Variants in EWSR1 observed in about 807,000 individuals in gnomAD.
EWSR1 encodes RNA-binding protein EWS.
EWSR1 carries 14 observed loss-of-function variants against 92.1 expected under a neutral mutation model. The ratio of observed to expected loss-of-function variants is 0.15; its 90% CI spans 0.10 to 0.24. The LOEUF (loss-of-function observed/expected upper bound fraction) is 0.24, where lower values mean the gene tolerates loss of function less well. Ranked by LOEUF, EWSR1 falls within the 10% of genes least tolerant of loss-of-function variation. EWSR1 has a pLI of 1.00. For synonymous variants in EWSR1, 303 were observed against 292.9 expected, an observed-to-expected ratio of 1.03 and a Z score of -0.35; for missense variants, 637 against 870.9, an observed-to-expected ratio of 0.73 and a Z score of 3.38.
intron 13 of EWSR1, among the ~76,000 whole-genome samples, chr22:29,298,231 T>C (rs2061021346): frequency 6.6e-6 from 1 of 152,102 alleles, no homozygotes; most frequent in Non-Finnish European, 1.5e-5. Flanking sequence ...TTCAGCCAGG[T>C]GCAGTGGCTC....
intron 9 of EWSR1, chr22:29,291,889 G>A: frequency 1.8e-6 from 1 of 567,574 alleles, no homozygotes; most frequent in Non-Finnish European, 3.1e-6. Context: ...CACTGATTTG[G>A]CACATAAGCA....
intron 4 of EWSR1, 121 bp downstream of exon 4, chr22:29,273,985 A>G (rs2058900340): frequency 1.5e-6 from 2 of 1,295,338 alleles, no homozygotes; most frequent in African/African-American, 1.5e-5. Flanking sequence ...GGAATCCTTT[A>G]TTCTTAGGAA....
intron 4 of EWSR1, 135 bp downstream of exon 4, chr22:29,273,999 G>T: frequency 2.5e-6 from 3 of 1,191,600 alleles, no homozygotes; most frequent in East Asian, 2.4e-5. Context: ...TTAGGAAGAG[G>T]TATTTTTTCT....
intron 4 of EWSR1, chr22:29,277,783 A>G (rs368674916): frequency 3.7e-5 from 17 of 461,402 alleles, no homozygotes; most frequent in Non-Finnish European, 5.5e-5. Flanking sequence ...CTGTAGCATG[A>G]CATGCCATTT....
At chr22:29,278,462 G>A (rs1387227018) in intron 5 of EWSR1, among the ~76,000 whole-genome samples, 1 of 151,738 alleles carries the variant, frequency 6.6e-6, no homozygotes, top group Admixed American at 6.6e-5. Context: ...CGAGGCGGGC[G>A]GATCATATAA....
chr22:29,280,705 C>T (rs1385864060), intron 5 of EWSR1, among the ~76,000 whole-genome samples: 1 of 144,868 alleles, frequency 6.9e-6, no homozygotes, highest in Non-Finnish European at 1.5e-5. Flanking sequence ...TGGAGTTTTG[C>T]TCTTGTTGTC....
chr22:29,268,555 T>A (rs1042968658), intron 1 of EWSR1, among the ~76,000 whole-genome samples: 5 of 152,052 alleles, frequency 3.3e-5, no homozygotes, highest in Non-Finnish European at 7.4e-5. Flanking sequence ...CCGGCGCCCG[T>A]GGCGCGCGGG....
chr22:29,275,927 G>GT (rs1325502080), intron 4 of EWSR1: 14 of 195,224 alleles, frequency 7.2e-5, no homozygotes, highest in East Asian at 3.9e-4. Context: ...TTGTTTTTTT[G>GT]TTTTTTTGTT....
intron 5 of EWSR1, among the ~76,000 whole-genome samples, chr22:29,280,892 T>G (rs887585796): frequency 2.3e-5 from 3 of 133,234 alleles, no homozygotes; most frequent in African/African-American, 8.3e-5. Flanking sequence ...TTTTTTTTTT[T>G]TTTTTTTGAC....
chr22:29,281,731 C>T (rs572257247), intron 5 of EWSR1, among the ~76,000 whole-genome samples: 1 of 152,242 alleles, frequency 6.6e-6, no homozygotes, highest in African/African-American at 2.4e-5. Context: ...CAGGCGCCCA[C>T]CACCATGCCT....
At chr22:29,268,628 G>T (rs1311417896) in intron 1 of EWSR1, among the ~76,000 whole-genome samples, 1 of 152,130 alleles carries the variant, frequency 6.6e-6, no homozygotes, top group Non-Finnish European at 1.5e-5. Context: ...CGGTCCTCGC[G>T]CCCTGAGCTC....
At chr22:29,289,664 T>A (rs561297523) in intron 8 of EWSR1, 280 of 232,632 alleles carry the variant, frequency 1.2e-3, no homozygotes, top group African/African-American at 5.6e-3. Context: ...GTTAGATATT[T>A]ACATTTGATA....
intron 8 of EWSR1, 65 bp from the exon 9 acceptor site, chr22:29,291,497 C>T: frequency 3.3e-6 from 5 of 1,532,816 alleles, no homozygotes; most frequent in Non-Finnish European, 3.6e-6. Context: ...ACGAGCCCCC[C>T]CAAGGCTCAG....
chr22:29,270,312 T>C (rs1174159530), intron 1 of EWSR1, among the ~76,000 whole-genome samples: 1 of 152,222 alleles, frequency 6.6e-6, no homozygotes. Flanking sequence ...CGCAGCAATC[T>C]AGAACCCCCA....
rs1369382016 is a variant in EWSR1 at position 29,273,860 on chromosome 22, C to G, written c.222C>G (p.Pro74=). 2 of 1,613,822 alleles carry G rather than the reference C, an allele frequency of 1.2e-6. No homozygotes were observed. Among genetic ancestry groups the G allele is most frequent in the Non-Finnish European group, 1.7e-6 (2 of 1,179,900 alleles). Residue 74 remains proline, a synonymous_variant, in exon 4 of 17, where the codon CCC becomes CCG. Coordinates refer to ENST00000397938, the MANE Select transcript of EWSR1 (RefSeq NM_005243.4). ...TAYATSYGQP[P]TGYTTPTAPQ... is the part of the protein sequence containing the mutation. ...ATGCAACTTCTTATGGACAGCCTCC[C>G]ACTGGTAAGGCCTGCCTTGGAGAGA...
intron 4 of EWSR1, chr22:29,275,986 T>C (rs966435362): frequency 4.3e-6 from 1 of 231,858 alleles, no homozygotes; most frequent in Admixed American, 5.6e-5. Context: ...TTGTTCATTT[T>C]GCTTGGCTGC....
chr22:29,283,260 A>G (rs947374021), intron 6 of EWSR1, among the ~76,000 whole-genome samples: 6 of 152,180 alleles, frequency 3.9e-5, no homozygotes, highest in African/African-American at 1.4e-4. Flanking sequence ...CACCTTAATC[A>G]TTTTACATTT....
At chr22:29,299,446 T>G in intron 15 of EWSR1, 115 bp downstream of exon 15, 1 of 1,494,496 alleles carries the variant, frequency 6.7e-7, no homozygotes, top group Non-Finnish European at 8.9e-7. Flanking sequence ...AGTTGTCGTG[T>G]CCTCATTTCT....
intron 5 of EWSR1, among the ~76,000 whole-genome samples, chr22:29,279,212 C>CT (rs2059370812): frequency 6.6e-6 from 1 of 152,076 alleles, no homozygotes. Flanking sequence ...ATGCTTTTAT[C>CT]TTTGATTTCA....
Sources: gnomAD v4.1 joint callset for allele counts (sites outside exome capture counted in the v4.1 genomes callset) on GRCh38, gnomAD v4.1.1 for gene constraint, MANE v1.5 for transcripts, NCBI Gene and HGNC (gene_info 2026-07-23, HGNC 2026-07-21) for gene names.